The following MMP14 variants were observed in gnomAD, a reference collection of about 807,000 sequenced individuals.
MMP14 encodes the protein matrix metalloproteinase-14.
Under a neutral mutation model 64.8 loss-of-function variants are expected in MMP14, and 13 were observed. The ratio of observed to expected loss-of-function variants is 0.20; its 90% CI spans 0.13 to 0.32. The LOEUF (loss-of-function observed/expected upper bound fraction) is 0.32, where lower values mean the gene tolerates loss of function less well. MMP14 is among the 10% of genes least tolerant of loss of function. The pLI, the probability that MMP14 is intolerant of heterozygous loss-of-function variation, is 1.00. For synonymous variants in MMP14, 322 were observed against 315.9 expected (o/e 1.02, Z -0.20); for missense variants, 594 against 783.8 (o/e 0.76, Z 2.89).
Position 22,844,760 on chromosome 14 carries a change from C to G in MMP14, c.1281C>G (p.Thr427=). 1 of 1,614,106 alleles carries G rather than the reference C, an allele frequency of 6.2e-7. No homozygotes were observed. The highest frequency in any genetic ancestry group is 2.2e-5 in the East Asian group (1 of 44,886). Residue 427 remains threonine (T), a synonymous_variant, in exon 8 of 10, where the codon ACC becomes ACG. Coordinates refer to ENST00000311852, the MANE Select transcript of MMP14 (RefSeq NM_004995.4). ...AALFWMPNGK[T]YFFRGNKYYR... The stretch of plus-strand genomic sequence containing the variant: ...TCTTCTGGATGCCCAATGGAAAGAC[C>G]TACTTCTTCCGTGGAAACAAGTAAG...
rs2039804086 is a variant in MMP14, at chr14:22,845,268, A to G, written c.1319A>G (p.Glu440Gly). The G allele has an allele frequency of 6.2e-7, 1 of 1,613,748 alleles. No homozygotes were observed. Among genetic ancestry groups the G allele is most frequent in the African/African-American group, 1.3e-5 (1 of 74,912 alleles). ...TTCCCCAGGTACTACCGTTTCAACGAAGAGCTCAGGGCAGTGGATAGCGAG... is the reference window on the plus strand; with the variant it reads ...TTCCCCAGGTACTACCGTTTCAACGGAGAGCTCAGGGCAGTGGATAGCGAG... ...FRGNKYYRFN[E>G]ELRAVDSEYP... is the part of the protein sequence containing the mutation. The change falls in exon 9 of 10, where the codon GAA (glutamate) becomes GGA (glycine). Residue 440 changes from glutamate (E) to glycine (G), a missense_variant. Around this residue, in one of 4 missense-constraint regions of MMP14, gnomAD observed 364 missense variants for 425.2 expected, o/e 0.86. Transcript: ENST00000311852.
At position 22,842,437 on chromosome 14, in the gene MMP14, C is replaced by G; in HGVS notation, c.408C>G (p.Gly136=). The change falls in exon 4 of 10, where the codon GGC becomes GGG. Residue 136 remains glycine (G), a synonymous_variant. Coordinates refer to ENST00000311852, the MANE Select transcript of MMP14 (RefSeq NM_004995.4). The surrounding 1 kb of genome is among the most constrained non-coding windows in gnomAD (Gnocchi z 5.3). ...FCIQNYTPKV[G]EYATYEAIRK... ...TCCAGAATTACACCCCCAAGGTGGG[C>G]GAGTATGCCACATACGAGGCCATTC... The G allele has an allele frequency of 6.2e-7, 1 of 1,613,334 alleles. No individual in the cohort carries two copies. Among genetic ancestry groups the G allele is most frequent in the Non-Finnish European group, 8.5e-7 (1 of 1,179,560 alleles).
chr14:22,845,112 G>C, intron 8 of MMP14, 139 bp from the exon 9 acceptor site: 1 of 660,264 alleles, frequency 1.5e-6, no homozygotes, highest in Non-Finnish European at 2.6e-6. Flanking sequence ...GCTTTCAGCA[G>C]CAGGTCCTCA....
At position 22,842,716 on chromosome 14, in the gene MMP14, T is replaced by G; in HGVS notation, c.687T>G (p.Asn229Lys). ...EPWTVRNEDL[N>K]GNDIFLVAVH... ...GGACTGTCAGGAATGAGGATCTGAA[T>G]GGTGAGCCAAGTATCCCTGGGACTT... is the stretch of plus-strand genomic sequence containing the variant. Residue 229 changes from asparagine (N) to lysine (K), a missense_variant and splice_region_variant, in exon 4 of 10, where the codon AAT (asparagine) becomes AAG (lysine). Asn to Lys is a moderately conservative substitution (Grantham distance 94). Around this residue, in one of 4 missense-constraint regions of MMP14, gnomAD observed 179 missense variants for 283.4 expected, o/e 0.63. Coordinates refer to ENST00000311852, the MANE Select transcript of MMP14 (RefSeq NM_004995.4). This position sits in a 1 kb window ranked among gnomAD's most constrained non-coding sequence, Gnocchi z 5.3. 6.3e-7 allele frequency: 1 copy of G among 1,594,154 alleles called. No individual in the cohort carries two copies.
At position 22,841,872 on chromosome 14, in the gene MMP14, C is replaced by T. The variant is rs879086091; in HGVS notation, c.258-41C>T. 4 of 1,613,446 alleles carry T rather than the reference C, an allele frequency of 2.5e-6. No homozygotes were observed. In the South Asian group the frequency reaches 4.4e-5, roughly 18 times the overall value. On this transcript the variant is annotated intron_variant, in intron 2 of 9. Coordinates refer to ENST00000311852, the MANE Select transcript of MMP14 (RefSeq NM_004995.4). Reference sequence around the variant, plus strand: ...ATCGTGGAGACCTTTCTCTTTCATACACTGCACTGATCCCAATCCTCGCAC... The same window carrying T: ...ATCGTGGAGACCTTTCTCTTTCATATACTGCACTGATCCCAATCCTCGCAC...
At chr14:22,837,393 C>T (rs1191806093) in intron 1 of MMP14, 1 of 456,090 alleles carries the variant, frequency 2.2e-6, no homozygotes, top group Non-Finnish European at 4.4e-6. Flanking sequence ...GGCGCTTCGG[C>T]CTCCCCGGGT....
rs148673967 is a variant in MMP14 at position 22,836,923 on chromosome 14, G to A, written c.106G>A (p.Glu36Lys). ...GSAQSSSFSP[E>K]AWLQQYGYLP... ...GGCCCAAAGCAGCAGCTTCAGCCCC[G>A]AAGTAAGTGAGCTTCCCGGCCCTTC... The change falls in exon 1 of 10, where the codon GAA becomes AAA. Residue 36 changes from glutamate (E) to lysine (K), a missense_variant and splice_region_variant. Glu to Lys is a moderately conservative substitution (Grantham distance 56). Coordinates refer to ENST00000311852, the MANE Select transcript of MMP14 (RefSeq NM_004995.4). 15 of 1,612,536 alleles carry A rather than the reference G, an allele frequency of 9.3e-6. No homozygotes were observed. The African/African-American group carries it at 1.2e-4, about 13-fold the overall frequency.
chr14:22,844,604 A>G lies in MMP14; in HGVS notation c.1151-26A>G, dbSNP rs115598202. On this transcript the variant is annotated intron_variant, in intron 7 of 9. Coordinates refer to ENST00000311852, the MANE Select transcript of MMP14 (RefSeq NM_004995.4). ...AGTCCCTAGAGCCTAAGTTGAACCC[A>G]GACGTTGCCCTCCTGTCCTCCCCAG... 6.8e-6 allele frequency: 11 copies of G among 1,613,978 alleles called. No individual in the cohort carries two copies. The African/African-American group carries it at 1.5e-4, about 22-fold the overall frequency.
chr14:22,844,469 T>C lies in MMP14; in HGVS notation c.1110T>C (p.Thr370=), dbSNP rs749993990. Residue 370 remains threonine, a synonymous_variant, in exon 7 of 10, where the codon ACT becomes ACC. Transcript: ENST00000311852. The part of the protein sequence containing the change: ...FWRGLPASIN[T]AYERKDGKFV... Reference sequence around the variant, plus strand: ...GGGGCCTGCCTGCGTCCATCAACACTGCCTACGAGAGGAAGGATGGCAAAT... The same window carrying C: ...GGGGCCTGCCTGCGTCCATCAACACCGCCTACGAGAGGAAGGATGGCAAAT... The C allele has an allele frequency of 5.0e-6, 8 of 1,614,148 alleles. No homozygotes were observed. The South Asian group carries it at 6.6e-5, about 13-fold the overall frequency.
chr14:22,846,268 G>A lies in MMP14; in HGVS notation c.*229G>A, dbSNP rs1188611067. 5.7e-6 allele frequency: 3 copies of A among 526,190 alleles called. No individual in the cohort carries two copies. Among genetic ancestry groups the A allele is most frequent in the Non-Finnish European group, 1.0e-5 (3 of 300,912 alleles). 32.6% of individuals were successfully genotyped at this position (526,190 alleles called of 1,614,324 possible). On this transcript the variant is annotated 3_prime_UTR_variant, in exon 10 of 10. Transcript: ENST00000311852. ...TCCCCTGAGGGCTGAGTGGGAGGGCGGCCCTTTCCAGCCTCTGCCCCTCAG... is the reference window on the plus strand; with the variant it reads ...TCCCCTGAGGGCTGAGTGGGAGGGCAGCCCTTTCCAGCCTCTGCCCCTCAG...
rs565893190 is a variant in MMP14, at chr14:22,844,276, T to G, written c.1012-95T>G. 2.5e-5 allele frequency: 39 copies of G among 1,543,938 alleles called. No homozygotes were observed. In the African/African-American group the frequency reaches 5.1e-4, roughly 20 times the overall value. On this transcript the variant is annotated intron_variant, in intron 6 of 9. Transcript: ENST00000311852. ...CAACAGCTGGACTAAAAACTAAAAC[T>G]GAGGAACAAACAGCAGTGCGGGAGC...
intron 1 of MMP14, 90 bp from the exon 2 acceptor site, chr14:22,841,401 G>T: frequency 6.5e-7 from 1 of 1,540,902 alleles, no homozygotes; most frequent in Non-Finnish European, 8.8e-7. Context: ...TCCTTGCCAA[G>T]CCAAGGCTGT....
At chr14:22,844,801 C>T (rs1157555625) in intron 8 of MMP14, 21 bp downstream of exon 8, 12 of 1,613,324 alleles carry the variant, frequency 7.4e-6, no homozygotes, top group Non-Finnish European at 8.5e-6. Context: ...AACCCCTTAA[C>T]CCCAGGCCTC....
At chr14:22,839,330 A>G (rs986423985) in intron 1 of MMP14, among the ~76,000 whole-genome samples, 5 of 152,248 alleles carry the variant, frequency 3.3e-5, no homozygotes, top group Admixed American at 3.3e-4. Context: ...GGCACAGGCC[A>G]CAGCAGGCCT....
Position 22,842,028 on chromosome 14 carries a change from A to T in MMP14, c.373A>T (p.Thr125Ser). The change falls in exon 3 of 10, where the codon ACT becomes TCT. Residue 125 changes from threonine to serine, a missense_variant. Physicochemically the swap from Thr to Ser is moderately conservative, Grantham distance 58 (BLOSUM62 1). Around this residue, in one of 4 missense-constraint regions of MMP14, gnomAD observed 179 missense variants for 283.4 expected, o/e 0.63. Transcript: ENST00000311852. The surrounding 1 kb of genome is among the most constrained non-coding windows in gnomAD (Gnocchi z 5.3). ...QGLKWQHNEI[T>S]FCIQNYTPKV... ...TCTCAAATGGCAACATAATGAAATC[A>T]CTTTCTGGTGAGTCCAACAGGCAAG... 1 of 1,614,122 alleles carries T rather than the reference A, an allele frequency of 6.2e-7. No individual in the cohort carries two copies. The highest frequency in any genetic ancestry group is 1.3e-5 in the African/African-American group (1 of 75,024).
rs777276227 is a variant in MMP14, at chr14:22,841,895, C to T, written c.258-18C>T. ...TACACTGCACTGATCCCAATCCTCG[C>T]ACCCAAACCCACTCCAGGGCCATGA... is the stretch of plus-strand genomic sequence containing the variant. On this transcript the variant is annotated intron_variant, in intron 2 of 9. Coordinates refer to ENST00000311852, the MANE Select transcript of MMP14 (RefSeq NM_004995.4). 1.2e-6 allele frequency: 2 copies of T among 1,614,172 alleles called. No homozygotes were observed. Among genetic ancestry groups the T allele is most frequent in the South Asian group, 2.2e-5 (2 of 91,084 alleles).
Position 22,841,989 on chromosome 14 carries a change from T to G in MMP14, c.334T>G (p.Tyr112Asp), listed in dbSNP as rs767289272. Residue 112 changes from tyrosine to aspartate, a missense_variant, in exon 3 of 10, where the codon TAC becomes GAC. Around this residue, in one of 4 missense-constraint regions of MMP14, gnomAD observed 179 missense variants for 283.4 expected, o/e 0.63. Coordinates refer to ENST00000311852, the MANE Select transcript of MMP14 (RefSeq NM_004995.4). ...EIKANVRRKR[Y>D]AIQGLKWQHN... Reference sequence around the variant, plus strand: ...CAAGGCCAATGTTCGAAGGAAGCGCTACGCCATCCAGGGTCTCAAATGGCA... The same window carrying G: ...CAAGGCCAATGTTCGAAGGAAGCGCGACGCCATCCAGGGTCTCAAATGGCA... 3 of 1,614,246 alleles carry G rather than the reference T, an allele frequency of 1.9e-6. No individual in the cohort carries two copies. The highest frequency in any genetic ancestry group is 2.5e-6 in the Non-Finnish European group (3 of 1,180,044).
intron 1 of MMP14, 187 bp downstream of exon 1, chr14:22,837,112 C>T: frequency 1.4e-6 from 1 of 690,460 alleles, no homozygotes; most frequent in South Asian, 1.5e-5. Context: ...CAACTTTTGC[C>T]CGCTTCCAAC....
Position 22,842,200 on chromosome 14 carries a change from C to A in MMP14, c.380+165C>A. 9.2e-7 allele frequency: 1 copy of A among 1,083,216 alleles called. No homozygotes were observed. The highest frequency in any genetic ancestry group is 1.3e-6 in the Non-Finnish European group (1 of 754,146). 67.1% of individuals were successfully genotyped at this position (1,083,216 alleles called of 1,614,324 possible). On this transcript the variant is annotated intron_variant, in intron 3 of 9. Transcript: ENST00000311852. This position sits in a 1 kb window ranked among gnomAD's most constrained non-coding sequence, Gnocchi z 5.3. Reference sequence around the variant, plus strand: ...CTCTCATCCTTGAGAGAGGTGTAGCCATCAAGGGTGCACCCCAGTGCCAGA... The same window carrying A: ...CTCTCATCCTTGAGAGAGGTGTAGCAATCAAGGGTGCACCCCAGTGCCAGA...
Sources: gnomAD v4.1 joint callset for allele counts (sites outside exome capture counted in the v4.1 genomes callset) on GRCh38, gnomAD v4.1.1 for gene constraint, gnomAD v4.1.1 regional missense constraint, Gnocchi (gnomAD v3.1) non-coding constraint, MANE v1.5 for transcripts, NCBI Gene and HGNC (gene_info 2026-07-23, HGNC 2026-07-21) for gene names.